Variants in VPS53 observed in about 807,000 individuals in gnomAD.
The protein encoded by VPS53 is VPS53 subunit of GARP complex.
Under a neutral mutation model 107.0 loss-of-function variants are expected in VPS53, and 70 were observed. The observed-to-expected ratio is 0.65, with a 90% CI of 0.54 to 0.80. VPS53 has a LOEUF of 0.80. VPS53 is among the 30% of genes least tolerant of loss of function. The pLI, the probability that VPS53 is intolerant of heterozygous loss-of-function variation, is 0.00. For missense variants in VPS53, 917 were observed against 1,049.4 expected (o/e 0.87, Z 1.74); for synonymous variants, 409 against 393.3 (o/e 1.04, Z -0.47).
intron 7 of VPS53, among the ~76,000 whole-genome samples, chr17:641,611 T>C (rs1278197590): frequency 1.3e-5 from 2 of 152,192 alleles, no homozygotes; most frequent in Non-Finnish European, 2.9e-5. Flanking sequence ...TGCACCTCCA[T>C]GCCCAGCTAA....
At chr17:571,244 A>AGGGGAGGGGT (rs1288126683) in intron 13 of VPS53, among the ~76,000 whole-genome samples, 1 of 25,238 alleles carries the variant, frequency 4.0e-5, no homozygotes. Context: ...AGAGGAAGGG[A>AGGGGAGGGGT]GGGGAGGGGT....
At position 678,633 on chromosome 17, in the gene VPS53, A is replaced by AATAT. The variant is rs746571970; in HGVS notation, c.286-16742_286-16739dup. Among the ~76,000 whole-genome samples, 509 of 146,228 alleles carry AATAT rather than the reference A, an allele frequency of 3.5e-3. 3 individuals carry two copies. Among genetic ancestry groups the AATAT allele is most frequent in the African/African-American group, 0.012 (470 of 39,900 alleles). On this transcript the variant is annotated intron_variant, in intron 4 of 21. Coordinates refer to ENST00000437048, the MANE Select transcript of VPS53 (RefSeq NM_001128159.3). The stretch of plus-strand genomic sequence containing the variant: ...AGGCATGTGCCACCACTCCTGGCTA[A>AATAT]ATATATATATATATATATTTTTTTG...
chr17:548,893 G>A (rs750567093), intron 17 of VPS53, among the ~76,000 whole-genome samples: 9 of 152,198 alleles, frequency 5.9e-5, no homozygotes, highest in Non-Finnish European at 1.2e-4. Context: ...GCCCTCATCT[G>A]TTTCAAACAC....
At chr17:577,200 A>G (rs1914698250) in intron 13 of VPS53, among the ~76,000 whole-genome samples, 1 of 151,562 alleles carries the variant, frequency 6.6e-6, no homozygotes, top group African/African-American at 2.4e-5. Context: ...TCAGGACGTC[A>G]ATGCGTTCCC....
At chr17:711,242 CTCCCT>C (rs370818642) in intron 1 of VPS53, among the ~76,000 whole-genome samples, 365 of 152,316 alleles carry the variant, frequency 2.4e-3, no homozygotes, top group Non-Finnish European at 4.4e-3. Context: ...ATACAGCTAA[CTCCCT>C]AACAACCTGA....
chr17:667,783 T>C (rs541776545), intron 4 of VPS53, among the ~76,000 whole-genome samples: 1 of 152,168 alleles, frequency 6.6e-6, no homozygotes, highest in East Asian at 1.9e-4. Context: ...TGTTGGGAAC[T>C]GGGCCGCACA....
At chr17:614,390 G>A (rs1255621151) in intron 11 of VPS53, among the ~76,000 whole-genome samples, 2 of 152,060 alleles carry the variant, frequency 1.3e-5, no homozygotes, top group Non-Finnish European at 2.9e-5. Flanking sequence ...CTCTGATTTG[G>A]ATGACTTTTT....
At chr17:669,833 A>G (rs1237120582) in intron 4 of VPS53, among the ~76,000 whole-genome samples, 1 of 151,804 alleles carries the variant, frequency 6.6e-6, no homozygotes, top group Non-Finnish European at 1.5e-5. Context: ...CGGAGGTTGC[A>G]GTGAGCTGAG....
rs769483627 is a variant in VPS53, at chr17:714,756, G to A, written c.-47C>T. ...GACCCCCGCCGCGAGCCCAACTCAG[G>A]CCTCCAGCCGCCACCCAGGCCCCAG... On this transcript the variant is annotated 5_prime_UTR_variant, in exon 1 of 22. Coordinates refer to ENST00000437048, the MANE Select transcript of VPS53 (RefSeq NM_001128159.3). 1.9e-6 allele frequency: 3 copies of A among 1,602,204 alleles called. No homozygotes were observed. Among genetic ancestry groups the A allele is most frequent in the East Asian group, 4.5e-5 (2 of 44,798 alleles).
At chr17:652,687 C>G (rs1971002343) in intron 7 of VPS53, among the ~76,000 whole-genome samples, 2 of 152,230 alleles carry the variant, frequency 1.3e-5, no homozygotes, top group Non-Finnish European at 2.9e-5. Context: ...CAGGGATGAG[C>G]TGGTCCCCGA....
chr17:629,759 T>C lies in VPS53; in HGVS notation c.688-1528A>G, dbSNP rs538441973. Among the ~76,000 whole-genome samples the C allele has an allele frequency of 9.8e-4, 144 of 147,300 alleles. 1 individual carries two copies. Among genetic ancestry groups the C allele is most frequent in the African/African-American group, 3.4e-3 (134 of 39,708 alleles). ...GCCTGGGCAACGGAGCAAGACTCCA[T>C]CTCAAAAAAAAGAAAAGAAAAGAAA... On this transcript the variant is annotated intron_variant, in intron 8 of 21. Transcript: ENST00000437048.
At chr17:530,405 G>A (rs564794218) in intron 19 of VPS53, among the ~76,000 whole-genome samples, 82 of 151,964 alleles carry the variant, frequency 5.4e-4, no homozygotes, top group African/African-American at 1.8e-3. Flanking sequence ...CGCCCGCCTC[G>A]GCCTCCCAAA....
At chr17:566,028 C>T (rs1186141269) in intron 13 of VPS53, among the ~76,000 whole-genome samples, 75 of 151,634 alleles carry the variant, frequency 4.9e-4, no homozygotes, top group Non-Finnish European at 4.4e-5. Context: ...ACGGTGAAAC[C>T]CCGTCTCTAC....
chr17:706,485 C>T (rs1046238793), intron 2 of VPS53, among the ~76,000 whole-genome samples: 3 of 148,308 alleles, frequency 2.0e-5, no homozygotes, highest in East Asian at 2.0e-4. Flanking sequence ...TGCAGTGAGC[C>T]GGGATTGTGC....
chr17:582,865 T>TC (rs1428734352), intron 13 of VPS53, among the ~76,000 whole-genome samples: 2 of 143,770 alleles, frequency 1.4e-5, no homozygotes, highest in African/African-American at 2.6e-5. Flanking sequence ...CCTCAGGACC[T>TC]AATGCGTTCC....
chr17:603,222 AAGACC>A (rs1387009136), intron 11 of VPS53, among the ~76,000 whole-genome samples: 1 of 152,140 alleles, frequency 6.6e-6, no homozygotes, highest in Non-Finnish European at 1.5e-5. Context: ...TCAGGAGTTC[AAGACC>A]AGCCTGAACA....
intron 2 of VPS53, among the ~76,000 whole-genome samples, chr17:704,637 C>T (rs1452478949): frequency 6.6e-6 from 1 of 152,110 alleles, no homozygotes; most frequent in Non-Finnish European, 1.5e-5. Context: ...TAAAGATAAC[C>T]CTGTGTCATA....
At chr17:588,377 T>G (rs143825270) in intron 12 of VPS53, among the ~76,000 whole-genome samples, 1 of 152,258 alleles carries the variant, frequency 6.6e-6, no homozygotes, top group Non-Finnish European at 1.5e-5. Flanking sequence ...CCTCTTGAAC[T>G]GCTTATATAT....
At position 509,443 on chromosome 17, in the gene VPS53, AGTC is replaced by A; in HGVS notation, c.*9682_*9684del. The A allele has an allele frequency of 1.1e-5, 1 of 93,508 alleles. No homozygotes were observed. Among genetic ancestry groups the A allele is most frequent in the Non-Finnish European group, 2.3e-5 (1 of 42,600 alleles). 5.8% of individuals were successfully genotyped at this position (93,508 alleles called of 1,614,324 possible). The stretch of plus-strand genomic sequence containing the variant: ...ATCAAATCCTGGCTGACCCCTTACT[AGTC>A]ACGTATCGAATCCTGGCTGACCCCC... On this transcript the variant is annotated 3_prime_UTR_variant, in exon 22 of 22. Transcript: ENST00000437048.
Sources: gnomAD v4.1 joint callset for allele counts (sites outside exome capture counted in the v4.1 genomes callset) on GRCh38, gnomAD v4.1.1 for gene constraint, MANE v1.5 for transcripts, NCBI Gene and HGNC (gene_info 2026-07-23, HGNC 2026-07-21) for gene names.